CREBBP: variants seen among roughly 807,000 people sequenced by gnomAD.
CREBBP encodes CREB-binding protein.
CREBBP carries 19 observed loss-of-function variants against 265.0 expected under a neutral mutation model. The ratio of observed to expected loss-of-function variants is 0.07; its 90% CI spans 0.05 to 0.11. The LOEUF is 0.11. CREBBP is among the 10% of genes least tolerant of loss of function. The pLI, the probability that CREBBP is intolerant of heterozygous loss-of-function variation, is 1.00. For synonymous variants in CREBBP, 1,457 were observed against 1,223.7 expected, an observed-to-expected ratio of 1.19 and a Z score of -3.98; for missense variants, 2,525 against 3,219.0, an observed-to-expected ratio of 0.78 and a Z score of 5.22.
chr16:3,770,161 C>T (rs141724937), intron 14 of CREBBP, among the ~76,000 whole-genome samples: 315 of 152,258 alleles, frequency 2.1e-3, no homozygotes, highest in African/African-American at 6.8e-3. Context: ...TGAACCACCG[C>T]GCCCAGCCTC....
chr16:3,849,426 T>G (rs1567360053), intron 2 of CREBBP, among the ~76,000 whole-genome samples: 12 of 7,768 alleles, frequency 1.5e-3, no homozygotes, highest in South Asian at 0.01. Flanking sequence ...TGTGTGTGTG[T>G]GTGTGTGTGT....
chr16:3,863,271 C>T (rs1015695457), intron 1 of CREBBP, among the ~76,000 whole-genome samples: 2 of 152,138 alleles, frequency 1.3e-5, no homozygotes, highest in African/African-American at 4.8e-5. Flanking sequence ...CATCCTGCTT[C>T]GCTGAATGAT....
intron 2 of CREBBP, among the ~76,000 whole-genome samples, chr16:3,822,576 G>T (rs1567340098): frequency 6.6e-6 from 1 of 152,122 alleles, no homozygotes; most frequent in African/African-American, 2.4e-5. Context: ...GCTGCCTGAG[G>T]GTTCTGTGTC....
At chr16:3,779,972 G>A (rs1017006696) in intron 8 of CREBBP, among the ~76,000 whole-genome samples, 1 of 152,052 alleles carries the variant, frequency 6.6e-6, no homozygotes, top group East Asian at 1.9e-4. Flanking sequence ...AAAAGGCCGG[G>A]TGCGGTGGCT....
intron 20 of CREBBP, among the ~76,000 whole-genome samples, chr16:3,750,598 TGGCCATTCTAACACTCGAA>T (rs982391482): frequency 1.9e-4 from 29 of 152,244 alleles, no homozygotes; most frequent in African/African-American, 6.0e-4. Flanking sequence ...TGCCACACAG[TGGCCATTCTAACACTCGAA>T]GGTAACTCTG....
At chr16:3,850,083 G>A (rs2054794203) in intron 2 of CREBBP, among the ~76,000 whole-genome samples, 4 of 152,154 alleles carry the variant, frequency 2.6e-5, no homozygotes, top group Admixed American at 6.6e-5. Context: ...TGACCTGCAA[G>A]CTGTCCTACT....
chr16:3,848,312 C>A (rs561896963), intron 2 of CREBBP, among the ~76,000 whole-genome samples: 1 of 152,288 alleles, frequency 6.6e-6, no homozygotes, highest in Admixed American at 6.5e-5. Flanking sequence ...CTAACTTCTA[C>A]ATACATGTTA....
intron 2 of CREBBP, among the ~76,000 whole-genome samples, chr16:3,827,484 C>G (rs1385797264): frequency 6.6e-6 from 1 of 152,026 alleles, no homozygotes; most frequent in African/African-American, 2.4e-5. Context: ...CTCCCCCTTC[C>G]AGGTTCACGA....
chr16:3,793,278 G>T, intron 4 of CREBBP, 108 bp downstream of exon 4: 1 of 1,470,888 alleles, frequency 6.8e-7, no homozygotes, highest in Non-Finnish European at 9.5e-7. Flanking sequence ...CCAATGGAAG[G>T]CAGCACTCAG....
rs558446360 is a variant in CREBBP, at chr16:3,757,787, C to A, written c.3609+22G>T. On this transcript the variant is annotated intron_variant, in intron 18 of 30. Coordinates refer to ENST00000262367, the MANE Select transcript of CREBBP (RefSeq NM_004380.3). ...TGGATTAACCAGGAAAATTCACTTT[C>A]CGGAAAAACTTAAAACTGTACCTTG... 1.7e-4 allele frequency: 275 copies of A among 1,613,452 alleles called. 1 individual carries two copies. The South Asian group carries it at 2.4e-3, about 14-fold the overall frequency.
intron 2 of CREBBP, among the ~76,000 whole-genome samples, chr16:3,844,492 G>A (rs554969147): frequency 1.2e-4 from 18 of 152,162 alleles, no homozygotes; most frequent in East Asian, 3.9e-4. Flanking sequence ...ATTTTATGAC[G>A]AACAGATTAT....
intron 1 of CREBBP, among the ~76,000 whole-genome samples, chr16:3,872,410 CCT>C (rs892232846): frequency 2.0e-4 from 30 of 152,258 alleles, no homozygotes; most frequent in Middle Eastern, 3.4e-3. Context: ...TTGTAGCACC[CCT>C]GTCAGCAGAG....
intron 28 of CREBBP, among the ~76,000 whole-genome samples, chr16:3,735,058 GCCA>G (rs1270791748): frequency 6.6e-6 from 1 of 152,112 alleles, no homozygotes; most frequent in Non-Finnish European, 1.5e-5. Context: ...CCACACCCAC[GCCA>G]CCATCATCTC....
intron 1 of CREBBP, among the ~76,000 whole-genome samples, chr16:3,853,664 C>T (rs367850292): frequency 1.2e-4 from 18 of 151,770 alleles, no homozygotes; most frequent in African/African-American, 4.1e-4. Context: ...CGGCCAGGCA[C>T]GGTAGCTCAT....
chr16:3,864,377 G>C (rs952764751), intron 1 of CREBBP, among the ~76,000 whole-genome samples: 1 of 152,170 alleles, frequency 6.6e-6, no homozygotes, highest in African/African-American at 2.4e-5. Flanking sequence ...AGGTATGTTG[G>C]CTCACACCTA....
intron 30 of CREBBP, 65 bp from the exon 31 acceptor site, chr16:3,729,939 C>G (rs2051866728): frequency 6.3e-7 from 1 of 1,580,436 alleles, no homozygotes; most frequent in African/African-American, 1.3e-5. Flanking sequence ...GGCATCCTGG[C>G]TGCTTCCCTC....
intron 1 of CREBBP, among the ~76,000 whole-genome samples, chr16:3,869,503 GA>G (rs1173481990): frequency 6.6e-6 from 1 of 152,148 alleles, no homozygotes; most frequent in African/African-American, 2.4e-5. Flanking sequence ...GTATCTTAAA[GA>G]AAACTCTAGA....
chr16:3,796,391 T>C lies in CREBBP; in HGVS notation c.976-2765A>G, dbSNP rs1192636728. Among the ~76,000 whole-genome samples the C allele has an allele frequency of 2.0e-5, 3 of 151,356 alleles. No individual in the cohort carries two copies. In the East Asian group the frequency reaches 5.8e-4, roughly 29 times the overall value. ...GTGCCACCTAACTGGCTTGTACTTTTTTTTTTTTTTTTGAGACGGGAGTCT... is the reference window on the plus strand; with the variant it reads ...GTGCCACCTAACTGGCTTGTACTTTCTTTTTTTTTTTTGAGACGGGAGTCT... On this transcript the variant is annotated intron_variant, in intron 3 of 30. Transcript: ENST00000262367.
At chr16:3,849,432 TGTGTG>T (rs2054754215) in intron 2 of CREBBP, among the ~76,000 whole-genome samples, 1 of 9,088 alleles carries the variant, frequency 1.1e-4, no homozygotes, top group East Asian at 0.021. Flanking sequence ...TGTGTGTGTG[TGTGTG>T]TGTGTGTGTG....
Sources: gnomAD v4.1 joint callset for allele counts (sites outside exome capture counted in the v4.1 genomes callset) on GRCh38, gnomAD v4.1.1 for gene constraint, MANE v1.5 for transcripts, NCBI Gene and HGNC (gene_info 2026-07-23, HGNC 2026-07-21) for gene names.